ZDHHC2: variants seen among roughly 807,000 people sequenced by gnomAD.
ZDHHC2 encodes palmitoyltransferase ZDHHC2.
ZDHHC2 carries 51 observed loss-of-function variants against 55.6 expected under a neutral mutation model. That is an observed-to-expected ratio of 0.92 (90% CI 0.73 to 1.16). The LOEUF (loss-of-function observed/expected upper bound fraction) is 1.16. Ranked by LOEUF, ZDHHC2 falls within the 50% of genes most tolerant of loss-of-function variation. The probability of loss-of-function intolerance (pLI) is 0.00; values close to 1 mark genes in which losing one functional copy is unlikely to be tolerated. For missense variants in ZDHHC2, 491 were observed against 442.4 expected (o/e 1.11, Z -0.99); for synonymous variants, 199 against 152.9 (o/e 1.30, Z -2.22).
rs189381883 is a variant in ZDHHC2, at chr8:17,186,716, T to G, written c.252+291T>G. The stretch of plus-strand genomic sequence containing the variant: ...AGGTAGACAAAGATAGATAATAAAA[T>G]AGAGCTAGAAGGTAGACATAATTCT... On this transcript the variant is annotated intron_variant, in intron 3 of 12. Transcript: ENST00000262096. Among the ~76,000 whole-genome samples the G allele has an allele frequency of 9.2e-5, 14 of 152,236 alleles. No individual in the cohort carries two copies. The East Asian group carries it at 1.2e-3, about 13-fold the overall frequency.
rs542875669 is a variant in ZDHHC2, at chr8:17,220,582, T to G, written c.*361T>G. 6.6e-6 allele frequency: 1 copy of G among 152,336 alleles called. No individual in the cohort carries two copies. The highest frequency in any genetic ancestry group is 1.9e-4 in the East Asian group (1 of 5,192). The allele number at this position is 152,336 out of a possible 1,614,324, so 9.4% of individuals were successfully genotyped here. A position where few individuals can be genotyped will look rare whatever the true frequency, so the allele number is the denominator to read the frequency against. ...CATAGAAACTCCATTAATCATCTGA[T>G]TTTCCGAATCTGAAAATTGAGACTA... is the stretch of plus-strand genomic sequence containing the variant. On this transcript the variant is annotated 3_prime_UTR_variant, in exon 13 of 13. Transcript: ENST00000262096.
intron 4 of ZDHHC2, 55 bp downstream of exon 4, chr8:17,195,679 G>A (rs1163977850): frequency 6.2e-7 from 1 of 1,604,406 alleles, no homozygotes; most frequent in Admixed American, 1.7e-5. Flanking sequence ...TCATTAAGGT[G>A]ACTGTAAGAA....
At chr8:17,199,547 G>GTCTTCA (rs1443290117) in intron 6 of ZDHHC2, among the ~76,000 whole-genome samples, 1 of 19,960 alleles carries the variant, frequency 5.0e-5, no homozygotes, top group East Asian at 0.014. Flanking sequence ...TTCGTCTTCT[G>GTCTTCA]TCTTCGTCTT....
intron 1 of ZDHHC2, among the ~76,000 whole-genome samples, chr8:17,164,990 C>G (rs1804533423): frequency 6.6e-6 from 1 of 152,176 alleles, no homozygotes; most frequent in East Asian, 1.9e-4. Context: ...AGAGCTGAAT[C>G]AAGGTATGGG....
At chr8:17,210,241 C>T (rs1346918474) in intron 9 of ZDHHC2, 147 bp from the exon 10 acceptor site, 1 of 1,052,492 alleles carries the variant, frequency 9.5e-7, no homozygotes, top group African/African-American at 1.6e-5. Flanking sequence ...CATCATCTTC[C>T]TGAACACTAT....
chr8:17,184,203 A>G (rs1296819615), intron 1 of ZDHHC2, among the ~76,000 whole-genome samples: 2 of 152,184 alleles, frequency 1.3e-5, no homozygotes, highest in Non-Finnish European at 2.9e-5. Flanking sequence ...CTCATCTATA[A>G]TACCTGCTAG....
Position 17,207,243 on chromosome 8 carries a change from T to A in ZDHHC2, c.598-717T>A, listed in dbSNP as rs866380019. ...CCTCGTGGCAGCCATGGTGCTTCGA[T>A]AGGTGTCCATAGCCCCAAGCCCTCC... On this transcript the variant is annotated intron_variant, in intron 7 of 12. Transcript: ENST00000262096. Among the ~76,000 whole-genome samples, 4 of 152,306 alleles carry A rather than the reference T, an allele frequency of 2.6e-5. No individual in the cohort carries two copies. The South Asian group carries it at 8.3e-4, about 32-fold the overall frequency.
At chr8:17,183,679 T>G (rs753159317) in intron 1 of ZDHHC2, among the ~76,000 whole-genome samples, 2 of 152,054 alleles carry the variant, frequency 1.3e-5, no homozygotes, top group Non-Finnish European at 2.9e-5. Flanking sequence ...GATCTGTCAT[T>G]TAGATCTTCT....
At chr8:17,210,859 C>G (rs1340361642) in intron 10 of ZDHHC2, among the ~76,000 whole-genome samples, 5 of 152,208 alleles carry the variant, frequency 3.3e-5, no homozygotes, top group African/African-American at 1.2e-4. Context: ...TCTGTGATAA[C>G]TGTTAGAGTA....
chr8:17,197,457 T>G (rs1384523550), intron 4 of ZDHHC2, 125 bp from the exon 5 acceptor site: 2 of 817,166 alleles, frequency 2.4e-6, no homozygotes, highest in East Asian at 5.7e-5. Flanking sequence ...AATATCTTAT[T>G]TTTTTACCAT....
chr8:17,207,946 T>C lies in ZDHHC2; in HGVS notation c.598-14T>C. The C allele has an allele frequency of 1.3e-6, 2 of 1,487,126 alleles. No homozygotes were observed. Among genetic ancestry groups the C allele is most frequent in the Non-Finnish European group, 1.8e-6 (2 of 1,113,014 alleles). The allele number at this position is 1,487,126 out of a possible 1,614,324, so 92.1% of individuals were successfully genotyped here. A position where few individuals can be genotyped will look rare whatever the true frequency, so the allele number is the denominator to read the frequency against. On this transcript the variant is annotated splice_polypyrimidine_tract_variant and intron_variant, in intron 7 of 12. Transcript: ENST00000262096. ...CCTTTGACAAAACATGTTATTTTCTTCCTTTCTTTATAGAATGGCCTACCT... is the reference window on the plus strand; with the variant it reads ...CCTTTGACAAAACATGTTATTTTCTCCCTTTCTTTATAGAATGGCCTACCT...
intron 1 of ZDHHC2, among the ~76,000 whole-genome samples, chr8:17,182,971 A>G (rs1034674094): frequency 2.0e-5 from 3 of 152,328 alleles, no homozygotes; most frequent in African/African-American, 7.2e-5. Flanking sequence ...CATGTTGGCC[A>G]GGCTGGTCTT....
At chr8:17,206,840 T>A (rs1311211215) in intron 7 of ZDHHC2, among the ~76,000 whole-genome samples, 1 of 152,204 alleles carries the variant, frequency 6.6e-6, no homozygotes, top group Non-Finnish European at 1.5e-5. Flanking sequence ...ATTTCTAAAT[T>A]GCTAGATCAC....
chr8:17,184,340 A>G (rs754135727), intron 1 of ZDHHC2, among the ~76,000 whole-genome samples: 5 of 152,206 alleles, frequency 3.3e-5, no homozygotes, highest in Non-Finnish European at 5.9e-5. Context: ...ATTAGGGGGA[A>G]AAAAAGTGTG....
chr8:17,174,860 G>A (rs913327970), intron 1 of ZDHHC2, among the ~76,000 whole-genome samples: 2 of 151,752 alleles, frequency 1.3e-5, no homozygotes, highest in Non-Finnish European at 2.9e-5. Flanking sequence ...ACAGGTGTGC[G>A]CCACCACACC....
chr8:17,203,828 A>G (rs1198856314), intron 6 of ZDHHC2, among the ~76,000 whole-genome samples: 11 of 71,762 alleles, frequency 1.5e-4, no homozygotes, highest in Admixed American at 7.4e-4. Flanking sequence ...TTTTTTTTTG[A>G]GAGGAAGTCT....
At chr8:17,182,448 G>C (rs537643448) in intron 1 of ZDHHC2, among the ~76,000 whole-genome samples, 2 of 152,052 alleles carry the variant, frequency 1.3e-5, no homozygotes. Context: ...ACAGAGTTAC[G>C]TTTACAGGAA....
At position 17,223,016 on chromosome 8, in the gene ZDHHC2, A is replaced by G. The variant is rs574775155; in HGVS notation, c.*2795A>G. ...GGCATATGTTGACAAACACTTAACT[A>G]GGGAAATCAAAGATATAAATCATGT... On this transcript the variant is annotated 3_prime_UTR_variant, in exon 13 of 13. Coordinates refer to ENST00000262096, the MANE Select transcript of ZDHHC2 (RefSeq NM_016353.5). 3 of 152,086 alleles carry G rather than the reference A, an allele frequency of 2.0e-5. No homozygotes were observed. The highest frequency in any genetic ancestry group is 4.8e-5 in the African/African-American group (2 of 41,570). The allele number at this position is 152,086 out of a possible 1,614,324, so 9.4% of individuals were successfully genotyped here.
chr8:17,208,285 C>CATATATATGTATATATATATGAGACT (rs1563167471), intron 8 of ZDHHC2, among the ~76,000 whole-genome samples, 193 bp downstream of exon 8: 2 of 149,074 alleles, frequency 1.3e-5, no homozygotes, highest in African/African-American at 4.9e-5. Flanking sequence ...TTGATTGTCT[C>CATATATATGTATATATATATGAGACT]ATATATATGT....
Sources: gnomAD v4.1 joint callset for allele counts (sites outside exome capture counted in the v4.1 genomes callset) on GRCh38, gnomAD v4.1.1 for gene constraint, MANE v1.5 for transcripts, NCBI Gene and HGNC (gene_info 2026-07-23, HGNC 2026-07-21) for gene names.